Variants in ZNF644 observed in about 807,000 individuals in gnomAD.
ZNF644 encodes zinc finger protein 644.
Under a neutral mutation model 108.0 loss-of-function variants are expected in ZNF644, and 20 were observed. The observed-to-expected ratio is 0.19, with a 90% CI of 0.13 to 0.27. The LOEUF is 0.27. Among genes scored for constraint, ZNF644 ranks in the 10% least tolerant of loss-of-function variants. ZNF644 has a pLI of 1.00. For missense variants in ZNF644, 1,338 were observed against 1,548.9 expected (o/e 0.86, Z 2.29); for synonymous variants, 542 against 539.1 (o/e 1.01, Z -0.08).
rs1557588188 is a variant in ZNF644, at chr1:90,950,292, A to AGGGG, written c.45-8984_45-8983insCCCC. Among the ~76,000 whole-genome samples, 13 of 2,034 alleles carry AGGGG rather than the reference A, an allele frequency of 6.4e-3. 1 individual carries two copies. Among genetic ancestry groups the AGGGG allele is most frequent in the Admixed American group, 9.6e-3 (1 of 104 alleles). The allele number at this position is 2,034 out of a possible 152,430, so 1.3% of individuals were successfully genotyped here. A position where few individuals can be genotyped will look rare whatever the true frequency, so the allele number is the denominator to read the frequency against. ...ATTCCATCTCAAGGGAAGGGAAGGG[A>AGGGG]AGGGGAGGGGAGGGGACAAAAGAAA... On this transcript the variant is annotated intron_variant, in intron 2 of 5. Coordinates refer to ENST00000337393, the MANE Select transcript of ZNF644 (RefSeq NM_201269.3).
chr1:90,948,455 G>A (rs544749138), intron 2 of ZNF644, among the ~76,000 whole-genome samples: 8 of 152,248 alleles, frequency 5.3e-5, no homozygotes, highest in African/African-American at 1.2e-4. Flanking sequence ...TTGTTAATGC[G>A]GATGAAACTA....
At chr1:91,002,902 T>C (rs926047513) in intron 1 of ZNF644, among the ~76,000 whole-genome samples, 1 of 152,124 alleles carries the variant, frequency 6.6e-6, no homozygotes, top group African/African-American at 2.4e-5. Flanking sequence ...AAAGAAGACA[T>C]TTATGCAGCC....
intron 4 of ZNF644, among the ~76,000 whole-genome samples, chr1:90,927,162 T>C (rs1403767734): frequency 2.0e-5 from 3 of 151,964 alleles, no homozygotes; most frequent in African/African-American, 7.2e-5. Flanking sequence ...GTTCCTAGTC[T>C]AGCTGAAAGT....
chr1:90,975,975 AAC>A (rs1212700793), intron 2 of ZNF644, among the ~76,000 whole-genome samples: 1 of 152,212 alleles, frequency 6.6e-6, no homozygotes, highest in African/African-American at 2.4e-5. Context: ...AACTTGTTTA[AAC>A]AGTTTGAAAA....
At chr1:90,988,953 G>T (rs547441566) in intron 1 of ZNF644, among the ~76,000 whole-genome samples, 1 of 152,090 alleles carries the variant, frequency 6.6e-6, no homozygotes, top group East Asian at 1.9e-4. Flanking sequence ...ATAGGGGAAG[G>T]CTTCGGGACA....
chr1:90,944,685 T>C (rs1368585957), intron 2 of ZNF644, among the ~76,000 whole-genome samples: 1 of 152,198 alleles, frequency 6.6e-6, no homozygotes, highest in Non-Finnish European at 1.5e-5. Flanking sequence ...AGTAATTCTT[T>C]ACTGAGAGAA....
At chr1:91,003,910 GA>G (rs1317248667) in intron 1 of ZNF644, among the ~76,000 whole-genome samples, 1 of 151,788 alleles carries the variant, frequency 6.6e-6, no homozygotes, top group Non-Finnish European at 1.5e-5. Context: ...AAAATTATGA[GA>G]AAAAAACAAA....
chr1:90,971,750 G>GT (rs1473040390), intron 2 of ZNF644, among the ~76,000 whole-genome samples: 3 of 152,074 alleles, frequency 2.0e-5, no homozygotes, highest in Non-Finnish European at 1.5e-5. Context: ...CATTGTACTA[G>GT]AATTCCTAGC....
intron 1 of ZNF644, among the ~76,000 whole-genome samples, chr1:91,014,215 G>A (rs1368367476): frequency 6.6e-6 from 1 of 152,020 alleles, no homozygotes; most frequent in Non-Finnish European, 1.5e-5. Flanking sequence ...TACTCTCCTA[G>A]CAACTTTCAA....
intron 1 of ZNF644, among the ~76,000 whole-genome samples, chr1:91,001,980 A>C (rs1658884554): frequency 6.6e-6 from 1 of 152,218 alleles, no homozygotes; most frequent in South Asian, 2.1e-4. Context: ...AGGGATCTGA[A>C]GGACCTCCTC....
chr1:90,927,645 T>C (rs1469276101), intron 4 of ZNF644, among the ~76,000 whole-genome samples: 1 of 149,650 alleles, frequency 6.7e-6, no homozygotes, highest in Non-Finnish European at 1.5e-5. Context: ...ACTGTGCAGA[T>C]AAATGTATAC....
chr1:90,989,086 C>A (rs1003334361), intron 1 of ZNF644, among the ~76,000 whole-genome samples: 29 of 152,082 alleles, frequency 1.9e-4, no homozygotes, highest in Admixed American at 6.6e-5. Flanking sequence ...GAAAAGACAA[C>A]CTACAGACTG....
At chr1:91,017,168 A>T (rs575450471) in intron 1 of ZNF644, among the ~76,000 whole-genome samples, 25 of 152,154 alleles carry the variant, frequency 1.6e-4, no homozygotes, top group Admixed American at 7.9e-4. Flanking sequence ...TTTTCAACTT[A>T]AAAAAAAGAT....
intron 1 of ZNF644, among the ~76,000 whole-genome samples, chr1:90,987,058 A>G (rs542949524): frequency 2.0e-5 from 3 of 150,102 alleles, no homozygotes; most frequent in East Asian, 1.9e-4. Context: ...AAAAGCTTAC[A>G]TGTTTAAAAA....
At chr1:90,943,205 G>A (rs1163507686) in intron 2 of ZNF644, among the ~76,000 whole-genome samples, 4 of 152,114 alleles carry the variant, frequency 2.6e-5, no homozygotes, top group Non-Finnish European at 5.9e-5. Context: ...ACTTTGGGAG[G>A]CCGAGGCGGG....
At chr1:90,930,290 C>T (rs899752771) in intron 4 of ZNF644, among the ~76,000 whole-genome samples, 2 of 152,098 alleles carry the variant, frequency 1.3e-5, no homozygotes, top group African/African-American at 4.8e-5. Flanking sequence ...CCGTCTCACA[C>T]ACACACACAC....
chr1:90,982,090 A>G (rs1374112756), intron 2 of ZNF644, among the ~76,000 whole-genome samples: 1 of 152,092 alleles, frequency 6.6e-6, no homozygotes, highest in African/African-American at 2.4e-5. Context: ...CCTCAACACA[A>G]AAGAAGGAAA....
chr1:90,938,739 T>G lies in ZNF644; in HGVS notation c.2615A>C (p.Gln872Pro), dbSNP rs772131613. 2.1e-5 allele frequency: 34 copies of G among 1,613,830 alleles called. No individual in the cohort carries two copies. In the Admixed American group the frequency reaches 5.5e-4, roughly 26 times the overall value. The change falls in exon 3 of 6, where the codon CAG becomes CCG. Residue 872 changes from glutamine (Q) to proline (P), a missense_variant. Gln to Pro is a moderately conservative substitution (Grantham distance 76). Transcript: ENST00000337393. The surrounding 1 kb of genome is among the most constrained non-coding windows in gnomAD (Gnocchi z 4.2). ...ACTATAGGTTTCATCTTCTATGGCC[T>G]GTGTAGTGTAGTCTCCTAACTCAAC... is the stretch of plus-strand genomic sequence containing the variant. The part of the protein sequence containing the change: ...DNVELGDYTT[Q>P]AIEDETYSDI...
At position 90,938,953 on chromosome 1, in the gene ZNF644, T is replaced by C. The variant is rs1272291311; in HGVS notation, c.2401A>G (p.Lys801Glu). The C allele has an allele frequency of 1.9e-6, 3 of 1,613,948 alleles. No homozygotes were observed. Among genetic ancestry groups the C allele is most frequent in the East Asian group, 2.2e-5 (1 of 44,884 alleles). The change falls in exon 3 of 6, where the codon AAA (lysine) becomes GAA (glutamate). Residue 801 changes from lysine to glutamate, a missense_variant. This residue lies in a region of ZNF644 where 462 missense variants were observed against 472.6 expected (regional missense o/e 0.98). Transcript: ENST00000337393. The surrounding 1 kb of genome is among the most constrained non-coding windows in gnomAD (Gnocchi z 4.2). Reference sequence around the variant, plus strand: ...TTTACAGCTACACGTCTGTGATCTTTGAAGCTTTCAGGCCTTTTGGCGTCA... The same window carrying C: ...TTTACAGCTACACGTCTGTGATCTTCGAAGCTTTCAGGCCTTTTGGCGTCA... ...KPDAKRPESFKDHRRVAVKRV... is the reference protein window; with the variant it reads ...KPDAKRPESFEDHRRVAVKRV...
Sources: gnomAD v4.1 joint callset for allele counts (sites outside exome capture counted in the v4.1 genomes callset) on GRCh38, gnomAD v4.1.1 for gene constraint, gnomAD v4.1.1 regional missense constraint, Gnocchi (gnomAD v3.1) non-coding constraint, MANE v1.5 for transcripts, NCBI Gene and HGNC (gene_info 2026-07-23, HGNC 2026-07-21) for gene names.